C16orf92: variants seen among roughly 807,000 people sequenced by gnomAD.
C16orf92 encodes fertilization-influencing membrane protein.
In C16orf92, 14 loss-of-function variants were observed where a neutral mutation model predicts 13.7. The observed-to-expected ratio is 1.02, with a 90% confidence interval of 0.67 to 1.60. The LOEUF (loss-of-function observed/expected upper bound fraction) is 1.60. Among genes scored for constraint, C16orf92 ranks in the 40% most tolerant of loss-of-function variants. C16orf92 has a pLI of 0.00. For missense variants in C16orf92, 116 were observed against 139.0 expected, an observed-to-expected ratio of 0.83 and a Z score of 0.83; for synonymous variants, 50 against 57.4, an observed-to-expected ratio of 0.87 and a Z score of 0.58.
downstream of C16orf92, chr16:30,026,975 G>T: frequency 2.6e-6 from 2 of 772,098 alleles, no homozygotes; most frequent in Non-Finnish European, 4.4e-6. Flanking sequence ...GGATCCAGAG[G>T]GTAGAGGGTG....
Position 30,024,305 on chromosome 16 carries a change from G to A in C16orf92, c.*78G>A, listed in dbSNP as rs1352517403. ...TCCTGTTGATGAGCAAAAGTTCCCT[G>A]CTTTCCTCCTCCCTGACTGCCCAGC... On this transcript the variant is annotated 3_prime_UTR_variant, in exon 4 of 4. Coordinates refer to ENST00000681219, the MANE Select transcript of C16orf92 (RefSeq NM_001109659.2). 2 of 1,535,774 alleles carry A rather than the reference G, an allele frequency of 1.3e-6. No homozygotes were observed. Among genetic ancestry groups the A allele is most frequent in the Non-Finnish European group, 1.8e-6 (2 of 1,115,700 alleles).
chr16:30,027,637 A>G, downstream of C16orf92: 1 of 456,136 alleles, frequency 2.2e-6, no homozygotes, highest in South Asian at 1.5e-5. Flanking sequence ...ATGCAGAGCA[A>G]AAGGAGCCAA....
chr16:30,025,146 GT>G, downstream of C16orf92: 5 of 1,298,696 alleles, frequency 3.9e-6, no homozygotes, highest in South Asian at 7.8e-5. The surrounding 1 kb of genome is among the most constrained non-coding windows in gnomAD (Gnocchi z 4.1). Flanking sequence ...CTCCACGGGG[GT>G]GGGGGTGGGG....
chr16:30,024,498 G>T lies in C16orf92; in HGVS notation c.*271G>T. The T allele has an allele frequency of 1.9e-6, 1 of 537,866 alleles. No homozygotes were observed. Among genetic ancestry groups the T allele is most frequent in the East Asian group, 3.1e-5 (1 of 32,450 alleles). 33.3% of individuals were successfully genotyped at this position (537,866 alleles called of 1,614,324 possible). The stretch of plus-strand genomic sequence containing the variant: ...CCCAGGGTCCCCCGACCCCAGATTG[G>T]AGGAAGCCTTGAGAGGTCAGTAGCA... On this transcript the variant is annotated 3_prime_UTR_variant, in exon 4 of 4. Coordinates refer to ENST00000681219, the MANE Select transcript of C16orf92 (RefSeq NM_001109659.2).
In C16orf92 at chr16:30,023,252, C is replaced by T. The variant is rs2070940483; in HGVS notation, c.-89C>T. On this transcript the variant is annotated 5_prime_UTR_variant, in exon 1 of 4. Coordinates refer to ENST00000681219, the MANE Select transcript of C16orf92 (RefSeq NM_001109659.2). ...GTGAGGGATGGGGGAGGGGTCCCAGCTCCTAGCACTTTCTCCCCTCACCCC... is the reference window on the plus strand; with the variant it reads ...GTGAGGGATGGGGGAGGGGTCCCAGTTCCTAGCACTTTCTCCCCTCACCCC... 8.3e-7 allele frequency: 1 copy of T among 1,205,044 alleles called. No individual in the cohort carries two copies. The highest frequency in any genetic ancestry group is 1.2e-6 in the Non-Finnish European group (1 of 837,330). The allele number at this position is 1,205,044 out of a possible 1,614,324, so 74.6% of individuals were successfully genotyped here.
At chr16:30,025,329 G>A (rs746076112), downstream of C16orf92, 6 of 1,575,786 alleles carry the variant, frequency 3.8e-6, no homozygotes, top group South Asian at 2.3e-5. This position sits in a 1 kb window ranked among gnomAD's most constrained non-coding sequence, Gnocchi z 4.1. Flanking sequence ...ATGGCCAGGG[G>A]CACGGCCAGC....
At chr16:30,027,302 C>T (rs924684941), downstream of C16orf92, 62 of 398,032 alleles carry the variant, frequency 1.6e-4, no homozygotes, top group Middle Eastern at 2.3e-3. Context: ...CTGGGACAGG[C>T]GATCTTCCAA....
downstream of C16orf92, chr16:30,025,440 T>C (rs765398829): frequency 1.2e-6 from 2 of 1,612,476 alleles, no homozygotes; most frequent in East Asian, 2.2e-5. This position sits in a 1 kb window ranked among gnomAD's most constrained non-coding sequence, Gnocchi z 4.1. Flanking sequence ...CCGTTCACCT[T>C]GTGCAGCAGT....
In C16orf92 at chr16:30,023,302, G is replaced by A; in HGVS notation, c.-39G>A. ...CAAAGTGCCATCAGAACAGCTCTGGGCTGTGACATCACAGAGCCCCCACCT... is the reference window on the plus strand; with the variant it reads ...CAAAGTGCCATCAGAACAGCTCTGGACTGTGACATCACAGAGCCCCCACCT... On this transcript the variant is annotated 5_prime_UTR_variant, in exon 1 of 4. Transcript: ENST00000681219. 1.9e-6 allele frequency: 3 copies of A among 1,563,684 alleles called. No homozygotes were observed. The highest frequency in any genetic ancestry group is 2.6e-6 in the Non-Finnish European group (3 of 1,150,988).
chr16:30,025,108 A>G (rs1596727909), downstream of C16orf92: 25 of 1,067,240 alleles, frequency 2.3e-5, no homozygotes, highest in Non-Finnish European at 3.1e-5. This position sits in a 1 kb window ranked among gnomAD's most constrained non-coding sequence, Gnocchi z 4.1. Context: ...CTGGCTCCCA[A>G]CCCCAGCCAT....
chr16:30,026,590 C>G (rs747222609), downstream of C16orf92: 14 of 1,606,698 alleles, frequency 8.7e-6, 1 homozygote, highest in Middle Eastern at 8.4e-4. Context: ...CCCCGCCCGC[C>G]CAGCTCCCCG....
Position 30,023,319 on chromosome 16 carries a change from C to A in C16orf92, c.-22C>A. The A allele has an allele frequency of 6.3e-7, 1 of 1,584,972 alleles. No homozygotes were observed. ...AGCTCTGGGCTGTGACATCACAGAGCCCCCACCTCATGATAGGAGTCATGA... is the reference window on the plus strand; with the variant it reads ...AGCTCTGGGCTGTGACATCACAGAGACCCCACCTCATGATAGGAGTCATGA... On this transcript the variant is annotated 5_prime_UTR_variant, in exon 1 of 4. Coordinates refer to ENST00000681219, the MANE Select transcript of C16orf92 (RefSeq NM_001109659.2).
intron 2 of C16orf92, 21 bp downstream of exon 2, chr16:30,023,906 G>C: frequency 6.2e-7 from 1 of 1,602,156 alleles, no homozygotes; most frequent in Non-Finnish European, 8.6e-7. Flanking sequence ...GCTTGAGAAG[G>C]GACCTCCCTC....
chr16:30,024,558 C>A lies in C16orf92; in HGVS notation c.*331C>A, dbSNP rs1379133559. The A allele has an allele frequency of 2.6e-6, 1 of 391,858 alleles. No individual in the cohort carries two copies. The highest frequency in any genetic ancestry group is 4.6e-6 in the Non-Finnish European group (1 of 217,324). 24.3% of individuals were successfully genotyped at this position (391,858 alleles called of 1,614,324 possible). On this transcript the variant is annotated 3_prime_UTR_variant, in exon 4 of 4. Coordinates refer to ENST00000681219, the MANE Select transcript of C16orf92 (RefSeq NM_001109659.2). ...TGGCAGGGCCCGAGGGCGCGATGTGCAGCCGATGGTGAGGGACTGGGCGCC... is the reference window on the plus strand; with the variant it reads ...TGGCAGGGCCCGAGGGCGCGATGTGAAGCCGATGGTGAGGGACTGGGCGCC...
chr16:30,023,466 C>T, intron 1 of C16orf92, 62 bp downstream of exon 1: 2 of 1,533,040 alleles, frequency 1.3e-6, no homozygotes, highest in Non-Finnish European at 1.8e-6. Flanking sequence ...AAGTGTGATG[C>T]CCACTTAGGG....
chr16:30,024,334 C>A lies in C16orf92; in HGVS notation c.*107C>A. The A allele has an allele frequency of 7.1e-7, 1 of 1,413,738 alleles. No homozygotes were observed. The highest frequency in any genetic ancestry group is 9.7e-7 in the Non-Finnish European group (1 of 1,025,850). The allele number at this position is 1,413,738 out of a possible 1,614,324, so 87.6% of individuals were successfully genotyped here. ...TCCTCCTCCCTGACTGCCCAGCGAG[C>A]AGCTGGGGATCCTGTCCCCTCTGTT... is the stretch of plus-strand genomic sequence containing the variant. On this transcript the variant is annotated 3_prime_UTR_variant, in exon 4 of 4. Transcript: ENST00000681219.
At chr16:30,026,271 G>A (rs2071128786), downstream of C16orf92, among the ~76,000 whole-genome samples, 1 of 152,092 alleles carries the variant, frequency 6.6e-6, no homozygotes, top group South Asian at 2.1e-4. Flanking sequence ...CTGGGTGCAG[G>A]AGCAGGTGCA....
chr16:30,026,553 G>C, downstream of C16orf92: 1 of 1,491,418 alleles, frequency 6.7e-7, no homozygotes, highest in Non-Finnish European at 9.2e-7. Flanking sequence ...GCCAGCACCA[G>C]CAGGACCAAG....
downstream of C16orf92, chr16:30,025,652 G>A (rs2071093061): frequency 3.3e-6 from 5 of 1,532,748 alleles, no homozygotes; most frequent in Middle Eastern, 1.7e-4. The surrounding 1 kb of genome is among the most constrained non-coding windows in gnomAD (Gnocchi z 4.1). Context: ...AGAGCCCTTG[G>A]CAGCAACCTT....
Sources: gnomAD v4.1 joint callset for allele counts (sites outside exome capture counted in the v4.1 genomes callset) on GRCh38, gnomAD v4.1.1 for gene constraint, Gnocchi (gnomAD v3.1) non-coding constraint, MANE v1.5 for transcripts, NCBI Gene and HGNC (gene_info 2026-07-23, HGNC 2026-07-21) for gene names.